The following HACE1 variants were observed in gnomAD, a reference collection of about 807,000 sequenced individuals.
HACE1 encodes the protein E3 ubiquitin-protein ligase HACE1.
A neutral mutation model predicts 118.4 loss-of-function variants in HACE1; 73 were observed. The observed-to-expected ratio is 0.62, with a 90% CI of 0.51 to 0.75. The LOEUF is 0.75. Among genes scored for constraint, HACE1 ranks in the 30% least tolerant of loss-of-function variants. The pLI is 0.00. For synonymous variants in HACE1, 368 were observed against 374.8 expected, an observed-to-expected ratio of 0.98 and a Z score of 0.21; for missense variants, 749 against 1,102.2, an observed-to-expected ratio of 0.68 and a Z score of 4.54.
intron 5 of HACE1, among the ~76,000 whole-genome samples, chr6:104,834,970 T>C (rs528023046): frequency 3.3e-5 from 5 of 152,312 alleles, no homozygotes; most frequent in African/African-American, 9.6e-5. Flanking sequence ...AACAGGCACA[T>C]TGAACAAAGA....
intron 7 of HACE1, among the ~76,000 whole-genome samples, chr6:104,803,408 C>CA (rs1178269048): frequency 6.6e-6 from 1 of 151,860 alleles, no homozygotes; most frequent in Non-Finnish European, 1.5e-5. Flanking sequence ...AGAGACACAA[C>CA]AAAAAAAGAG....
chr6:104,841,544 T>A (rs1042762873), intron 5 of HACE1, among the ~76,000 whole-genome samples: 2 of 152,170 alleles, frequency 1.3e-5, no homozygotes, highest in Admixed American at 6.5e-5. Context: ...TAACAAAATC[T>A]GAATTTTTAC....
intron 22 of HACE1, among the ~76,000 whole-genome samples, chr6:104,742,091 G>A (rs1776800614): frequency 4.4e-5 from 6 of 136,322 alleles, no homozygotes; most frequent in Admixed American, 4.3e-4. Context: ...ATGGTGCTGG[G>A]AAAACTGGCT....
At position 104,821,165 on chromosome 6, in the gene HACE1, A is replaced by G. The variant is rs1000572632; in HGVS notation, c.535-9772T>C. Among the ~76,000 whole-genome samples, 17 of 152,264 alleles carry G rather than the reference A, an allele frequency of 1.1e-4. 2 individuals carry two copies. The South Asian group carries it at 3.3e-3, about 30-fold the overall frequency. ...AGAACACATGGATACAGAGGGGAAC[A>G]ATATACACTGAGGCCTTTCAAAGGG... On this transcript the variant is annotated intron_variant, in intron 6 of 23. Transcript: ENST00000262903.
intron 17 of HACE1, among the ~76,000 whole-genome samples, chr6:104,773,679 T>C (rs1353169649): frequency 6.6e-6 from 1 of 152,148 alleles, no homozygotes. Context: ...CTGATGATTC[T>C]ACTTTCCTCC....
chr6:104,738,995 A>C (rs7759352), intron 22 of HACE1, among the ~76,000 whole-genome samples: 1 of 140,214 alleles, frequency 7.1e-6, no homozygotes, highest in Non-Finnish European at 1.5e-5. Context: ...CAAGCCAGAA[A>C]AGAGTGGGGG....
chr6:104,829,689 C>A (rs1773669945), intron 6 of HACE1, among the ~76,000 whole-genome samples: 1 of 152,100 alleles, frequency 6.6e-6, no homozygotes, highest in African/African-American at 2.4e-5. Context: ...AGAATAAATC[C>A]TGTTGGCCAT....
intron 11 of HACE1, chr6:104,787,169 A>G (rs1782516312): frequency 6.6e-6 from 1 of 152,220 alleles, no homozygotes; most frequent in Non-Finnish European, 1.5e-5. Flanking sequence ...ACTACAATCA[A>G]CAAAAACCTA....
intron 7 of HACE1, among the ~76,000 whole-genome samples, chr6:104,800,613 A>C (rs1421865209): frequency 6.6e-6 from 1 of 152,162 alleles, no homozygotes; most frequent in Non-Finnish European, 1.5e-5. Context: ...ACTCCAACAG[A>C]CCTGCAGCTG....
chr6:104,734,964 T>C (rs7741733), intron 22 of HACE1, among the ~76,000 whole-genome samples: 84,469 of 151,860 alleles, frequency 0.56, 25,193 homozygotes, highest in African/African-American at 0.79. Context: ...ACAACATAAA[T>C]CAAAATAAGG....
At chr6:104,822,234 T>G (rs533224836) in intron 6 of HACE1, among the ~76,000 whole-genome samples, 60 of 143,744 alleles carry the variant, frequency 4.2e-4, no homozygotes, top group African/African-American at 1.6e-3. Flanking sequence ...TACAAAAAAA[T>G]TATCCAGGCG....
chr6:104,729,605 A>T lies in HACE1; in HGVS notation c.*57T>A. The stretch of plus-strand genomic sequence containing the variant: ...TGCTTTTTTGTTGACATTTTCCCAA[A>T]TTACTTCTGCCATTCTGAATTGTGC... On this transcript the variant is annotated 3_prime_UTR_variant, in exon 24 of 24. Transcript: ENST00000262903. The T allele has an allele frequency of 1.1e-6, 1 of 894,674 alleles. No individual in the cohort carries two copies. The highest frequency in any genetic ancestry group is 1.9e-6 in the Non-Finnish European group (1 of 525,038). The allele number at this position is 894,674 out of a possible 1,614,324, so 55.4% of individuals were successfully genotyped here. A position where few individuals can be genotyped will look rare whatever the true frequency, so the allele number is the denominator to read the frequency against.
chr6:104,809,344 G>A (rs1771353458), intron 7 of HACE1, among the ~76,000 whole-genome samples: 4 of 152,226 alleles, frequency 2.6e-5, no homozygotes, highest in Middle Eastern at 3.4e-3. Context: ...TGCTTAGATT[G>A]GTCAGGAACT....
intron 10 of HACE1, among the ~76,000 whole-genome samples, chr6:104,792,381 G>T (rs1379919522): frequency 6.6e-6 from 1 of 152,114 alleles, no homozygotes; most frequent in Non-Finnish European, 1.5e-5. Flanking sequence ...CAGTTACCTT[G>T]GTATTGGTCA....
intron 22 of HACE1, among the ~76,000 whole-genome samples, chr6:104,733,502 C>T (rs1388582121): frequency 6.6e-6 from 1 of 152,112 alleles, no homozygotes; most frequent in Non-Finnish European, 1.5e-5. Flanking sequence ...TATTATGACA[C>T]TTAGATTATA....
intron 19 of HACE1, among the ~76,000 whole-genome samples, chr6:104,755,332 G>A (rs1034882050): frequency 1.3e-5 from 2 of 152,158 alleles, no homozygotes; most frequent in Non-Finnish European, 2.9e-5. Context: ...ATAATAGTGA[G>A]AGGCTTTAAC....
Position 104,785,042 on chromosome 6 carries a change from C to T in HACE1, c.1352G>A (p.Arg451Gln), listed in dbSNP as rs1782199438. The T allele has an allele frequency of 6.2e-7, 1 of 1,613,806 alleles. No individual in the cohort carries two copies. The highest frequency in any genetic ancestry group is 8.5e-7 in the Non-Finnish European group (1 of 1,179,894). ...AAAAGCTTGAATGACAGCACTTAGCCGGTTAGCTGTCATAGAAATAACATC... is the reference window on the plus strand; with the variant it reads ...AAAAGCTTGAATGACAGCACTTAGCTGGTTAGCTGTCATAGAAATAACATC... Reference protein sequence around the residue: ...CQDVISMTANRLSAVIQAFYM... With the variant: ...CQDVISMTANQLSAVIQAFYM... Residue 451 changes from arginine (R) to glutamine (Q), a missense_variant, in exon 12 of 24, where the codon CGG becomes CAG. Around this residue, in one of 5 missense-constraint regions of HACE1, gnomAD observed 195 missense variants for 322.1 expected, o/e 0.61. Transcript: ENST00000262903.
chr6:104,779,002 T>C (rs1240384558), intron 14 of HACE1, among the ~76,000 whole-genome samples: 2 of 152,272 alleles, frequency 1.3e-5, no homozygotes, highest in East Asian at 3.9e-4. Flanking sequence ...TAGGAGGAGA[T>C]ACTGGACAGT....
intron 5 of HACE1, among the ~76,000 whole-genome samples, chr6:104,836,808 A>G (rs1324242950): frequency 5.3e-5 from 8 of 152,188 alleles, no homozygotes; most frequent in East Asian, 1.9e-4. Flanking sequence ...CCCCAGAACT[A>G]ATAAGTGAGT....
Sources: allele counts gnomAD v4.1 joint callset (sites outside exome capture counted in the v4.1 genomes callset), GRCh38; gene constraint gnomAD v4.1.1; regional missense constraint gnomAD v4.1.1; transcripts MANE v1.5; gene names NCBI Gene and HGNC (gene_info 2026-07-23, HGNC 2026-07-21).